ALK: variants seen among roughly 807,000 people sequenced by gnomAD.
ALK encodes ALK receptor tyrosine kinase.
In ALK, 74 loss-of-function variants were observed where a neutral mutation model predicts 163.1. The ratio of observed to expected loss-of-function variants is 0.45; its 90% CI spans 0.38 to 0.55. The LOEUF (loss-of-function observed/expected upper bound fraction) is 0.55, where lower values mean the gene tolerates loss of function less well. Ranked by LOEUF, ALK falls within the 20% of genes least tolerant of loss-of-function variation. ALK has a pLI of 0.00. For missense variants in ALK, 2,063 were observed against 2,105.3 expected, an observed-to-expected ratio of 0.98 and a Z score of 0.39; for synonymous variants, 960 against 843.2, an observed-to-expected ratio of 1.14 and a Z score of -2.40.
intron 3 of ALK, among the ~76,000 whole-genome samples, chr2:29,689,610 C>T (rs1678337150): frequency 6.6e-6 from 1 of 152,156 alleles, no homozygotes; most frequent in Non-Finnish European, 1.5e-5. Context: ...CACATGCCAA[C>T]CCAGACGCAG....
intron 3 of ALK, among the ~76,000 whole-genome samples, chr2:29,594,975 A>C (rs1675168596): frequency 6.6e-6 from 1 of 151,916 alleles, no homozygotes; most frequent in Admixed American, 6.6e-5. Context: ...AACAGAAGGA[A>C]TAGATTATTT....
rs1573280088 is a variant in ALK, at chr2:29,360,504, T to C, written c.1282+23228A>G. ...GGCTCGTCCTGCCCACGATGGATTC[T>C]TTCCTCTGAAGCCATGTGTTTGTCA... is the stretch of plus-strand genomic sequence containing the variant. On this transcript the variant is annotated intron_variant, in intron 5 of 28. Coordinates refer to ENST00000389048, the MANE Select transcript of ALK (RefSeq NM_004304.5). 3.3e-5 allele frequency among the ~76,000 whole-genome samples: 5 copies of C among 152,326 alleles called. No individual in the cohort carries two copies. In the South Asian group the frequency reaches 1.0e-3, roughly 32 times the overall value.
intron 3 of ALK, among the ~76,000 whole-genome samples, chr2:29,626,810 C>T (rs1001434165): frequency 8.5e-5 from 13 of 152,204 alleles, no homozygotes; most frequent in African/African-American, 1.7e-4. Flanking sequence ...GGTATTTTGT[C>T]ATAGCAGCCT....
At chr2:29,516,037 G>T (rs899591351) in intron 4 of ALK, among the ~76,000 whole-genome samples, 4 of 152,206 alleles carry the variant, frequency 2.6e-5, no homozygotes, top group Non-Finnish European at 2.9e-5. Flanking sequence ...CTGGGTGAGG[G>T]CTCTGACAGT....
chr2:29,471,197 G>C (rs1031901485), intron 4 of ALK, among the ~76,000 whole-genome samples: 2 of 152,134 alleles, frequency 1.3e-5, no homozygotes, highest in Non-Finnish European at 2.9e-5. Context: ...CTTTATCAAT[G>C]AGTTCTTCCA....
chr2:29,897,754 G>A (rs1667307397), intron 1 of ALK, among the ~76,000 whole-genome samples: 1 of 152,166 alleles, frequency 6.6e-6, no homozygotes, highest in South Asian at 2.1e-4. Context: ...TCTCAAGGAA[G>A]AGCCCTTACC....
intron 5 of ALK, among the ~76,000 whole-genome samples, chr2:29,354,340 C>T (rs141205110): frequency 1.5e-4 from 23 of 152,300 alleles, no homozygotes; most frequent in African/African-American, 5.5e-4. Flanking sequence ...ACCTAAGATG[C>T]ATGTGGCCTT....
intron 4 of ALK, among the ~76,000 whole-genome samples, chr2:29,443,798 A>C (rs1217571284): frequency 6.6e-6 from 1 of 152,188 alleles, no homozygotes; most frequent in Admixed American, 6.5e-5. Flanking sequence ...AAGGAAGAGG[A>C]GGCTGACGTG....
intron 1 of ALK, among the ~76,000 whole-genome samples, chr2:29,727,242 G>C (rs774497851): frequency 3.3e-5 from 5 of 152,182 alleles, no homozygotes; most frequent in Non-Finnish European, 5.9e-5. Context: ...AAGATGCTTA[G>C]GGTGAGGGGA....
At chr2:29,436,992 A>T (rs1387324449) in intron 4 of ALK, among the ~76,000 whole-genome samples, 1 of 152,196 alleles carries the variant, frequency 6.6e-6, no homozygotes, top group Non-Finnish European at 1.5e-5. Context: ...ATCTACAACC[A>T]GTCCCAGGAT....
intron 1 of ALK, among the ~76,000 whole-genome samples, chr2:29,880,770 T>G (rs1383590980): frequency 6.6e-6 from 1 of 152,192 alleles, no homozygotes; most frequent in Admixed American, 6.5e-5. Flanking sequence ...TAAGGAATCC[T>G]AAGTGTTTCA....
chr2:29,647,775 CTTTTTTT>C (rs34620705), intron 3 of ALK, among the ~76,000 whole-genome samples: 9 of 117,210 alleles, frequency 7.7e-5, no homozygotes, highest in East Asian at 2.5e-4. Context: ...ATGATTTTTT[CTTTTTTT>C]TTTTTTTTTT....
intron 7 of ALK, 76 bp from the exon 8 acceptor site, chr2:29,318,480 G>T: frequency 9.8e-7 from 1 of 1,023,762 alleles, no homozygotes; most frequent in Non-Finnish European, 1.5e-6. Flanking sequence ...TTAATGGACT[G>T]TGCACAGTTC....
intron 3 of ALK, among the ~76,000 whole-genome samples, chr2:29,561,442 C>T (rs72780239): frequency 0.12 from 17,845 of 152,150 alleles, 1,372 homozygotes; most frequent in Non-Finnish European, 0.18. Context: ...TTGGGCTGGG[C>T]GTGGAGGAAG....
At chr2:29,909,256 G>A (rs959389642) in intron 1 of ALK, among the ~76,000 whole-genome samples, 27 of 152,244 alleles carry the variant, frequency 1.8e-4, no homozygotes, top group African/African-American at 6.3e-4. Context: ...TTGAAAGAGT[G>A]AGAATGTATG....
chr2:29,731,520 C>T (rs569113528), intron 1 of ALK, among the ~76,000 whole-genome samples: 4 of 152,302 alleles, frequency 2.6e-5, no homozygotes, highest in South Asian at 4.1e-4. Context: ...CTTGCTGTCA[C>T]TGGAGATTCT....
chr2:29,811,523 TC>T (rs1664759672), intron 1 of ALK, among the ~76,000 whole-genome samples: 1 of 152,194 alleles, frequency 6.6e-6, no homozygotes, highest in Admixed American at 6.5e-5. Flanking sequence ...GATGGAGCTT[TC>T]ATGTATTCAG....
intron 5 of ALK, among the ~76,000 whole-genome samples, chr2:29,380,067 A>G (rs539732654): frequency 1.5e-4 from 23 of 152,156 alleles, no homozygotes; most frequent in African/African-American, 5.3e-4. Context: ...TACACGGCTA[A>G]AGCAGGAGGA....
chr2:29,430,114 G>C (rs56174815), intron 4 of ALK, among the ~76,000 whole-genome samples: 19,686 of 152,170 alleles, frequency 0.13, 1,590 homozygotes, highest in East Asian at 0.31. Context: ...AAATATAGGA[G>C]TGAATCTTTA....
Sources: gnomAD v4.1 joint callset for allele counts (sites outside exome capture counted in the v4.1 genomes callset) on GRCh38, gnomAD v4.1.1 for gene constraint, MANE v1.5 for transcripts, NCBI Gene and HGNC (gene_info 2026-07-23, HGNC 2026-07-21) for gene names.